ZRANB3: variants seen among roughly 807,000 people sequenced by gnomAD.
ZRANB3 encodes DNA annealing helicase and endonuclease ZRANB3.
ZRANB3 carries 125 observed loss-of-function variants against 133.8 expected under a neutral mutation model. That is an observed-to-expected ratio of 0.93 (90% CI 0.81 to 1.08). The LOEUF (loss-of-function observed/expected upper bound fraction) is 1.08. ZRANB3 is among the 50% of genes least tolerant of loss of function. The pLI is 0.00. For synonymous variants in ZRANB3, 387 were observed against 432.7 expected (o/e 0.89, Z 1.31); for missense variants, 1,229 against 1,275.5 (o/e 0.96, Z 0.56).
At chr2:135,512,801 T>C (rs971698896) in intron 1 of ZRANB3, among the ~76,000 whole-genome samples, 1 of 151,964 alleles carries the variant, frequency 6.6e-6, no homozygotes, top group Non-Finnish European at 1.5e-5. Flanking sequence ...TCTTAATAAA[T>C]ATACAAGGCA....
At chr2:135,410,705 G>C (rs767491336) in intron 2 of ZRANB3, among the ~76,000 whole-genome samples, 2 of 152,058 alleles carry the variant, frequency 1.3e-5, no homozygotes, top group Non-Finnish European at 2.9e-5. Flanking sequence ...GAAAATATTT[G>C]CAAACTATGC....
intron 2 of ZRANB3, among the ~76,000 whole-genome samples, chr2:135,398,350 G>C (rs1687592172): frequency 6.6e-6 from 1 of 151,754 alleles, no homozygotes; most frequent in Admixed American, 6.6e-5. Context: ...ACAGGTGTGA[G>C]TCACTGCACC....
In ZRANB3 at chr2:135,269,015, G is replaced by C. The variant is rs768329407; in HGVS notation, c.1333C>G (p.Leu445Val). Residue 445 changes from leucine (L) to valine (V), a missense_variant, in exon 11 of 21, where the codon CTT (leucine) becomes GTT (valine). By Grantham distance (32) the Leu-to-Val change is conservative (BLOSUM62 1). Transcript: ENST00000264159. Reference protein sequence around the residue: ...GQCSSVNIHYLIANGTLDTLM... With the variant: ...GQCSSVNIHYVIANGTLDTLM... Reference sequence around the variant, plus strand: ...GTGTCTAGGGTTCCATTTGCAATAAGGTAGTGAATATTCACAGAACTGCAC... The same window carrying C: ...GTGTCTAGGGTTCCATTTGCAATAACGTAGTGAATATTCACAGAACTGCAC... 8 of 1,611,928 alleles carry C rather than the reference G, an allele frequency of 5.0e-6. No homozygotes were observed. Among genetic ancestry groups the C allele is most frequent in the Non-Finnish European group, 6.8e-6 (8 of 1,179,346 alleles).
At chr2:135,522,825 T>G (rs991618376) in intron 1 of ZRANB3, among the ~76,000 whole-genome samples, 1 of 152,136 alleles carries the variant, frequency 6.6e-6, no homozygotes, top group Non-Finnish European at 1.5e-5. Context: ...GTCAAAGAGG[T>G]GCCATGCTAA....
At chr2:135,382,015 G>A (rs1291168470) in intron 3 of ZRANB3, among the ~76,000 whole-genome samples, 1 of 152,210 alleles carries the variant, frequency 6.6e-6, no homozygotes, top group African/African-American at 2.4e-5. Flanking sequence ...CGAGTTGAGA[G>A]AAGAAGGCTT....
chr2:135,202,914 T>C lies in ZRANB3; in HGVS notation c.3059A>G (p.Asp1020Gly), dbSNP rs1187860007. 2 of 1,612,736 alleles carry C rather than the reference T, an allele frequency of 1.2e-6. No homozygotes were observed. Among genetic ancestry groups the C allele is most frequent in the South Asian group, 2.2e-5 (2 of 90,616 alleles). ...NPGEGHFWQV[D>G]HIKPVYGGGG... ...TCCCCCATACACTGGCTTGATGTGA[T>C]CCACCTGCCAGAAATGTCCTTCCCC... The change falls in exon 20 of 21, where the codon GAT becomes GGT. Residue 1020 changes from aspartate to glycine, a missense_variant. Transcript: ENST00000264159.
At chr2:135,428,835 T>C (rs1205067049) in intron 2 of ZRANB3, among the ~76,000 whole-genome samples, 1 of 152,184 alleles carries the variant, frequency 6.6e-6, no homozygotes, top group African/African-American at 2.4e-5. Flanking sequence ...CAAGATGACA[T>C]ACTGTCTCAC....
intron 2 of ZRANB3, among the ~76,000 whole-genome samples, chr2:135,488,750 T>C (rs1692238027): frequency 6.6e-6 from 1 of 150,534 alleles, no homozygotes; most frequent in Non-Finnish European, 1.5e-5. Flanking sequence ...CAAAGCACAA[T>C]TTGTAAAAAC....
intron 15 of ZRANB3, among the ~76,000 whole-genome samples, chr2:135,222,663 A>G (rs991037490): frequency 6.6e-6 from 1 of 152,104 alleles, no homozygotes; most frequent in Non-Finnish European, 1.5e-5. Flanking sequence ...TTCCATTAAG[A>G]CTTTAGAGAA....
At chr2:135,480,965 T>C (rs1691769031) in intron 2 of ZRANB3, among the ~76,000 whole-genome samples, 1 of 150,114 alleles carries the variant, frequency 6.7e-6, no homozygotes, top group Non-Finnish European at 1.5e-5. Flanking sequence ...TATGGCTGCA[T>C]AGTATTCCAT....
chr2:135,504,279 T>C (rs1418034891), intron 2 of ZRANB3, 50 bp downstream of exon 2: 4 of 1,605,930 alleles, frequency 2.5e-6, no homozygotes, highest in African/African-American at 2.7e-5. Context: ...TTGTTTTTAA[T>C]ACACTTTCCA....
intron 1 of ZRANB3, among the ~76,000 whole-genome samples, chr2:135,528,311 C>G (rs1409165130): frequency 6.6e-6 from 1 of 151,994 alleles, no homozygotes; most frequent in African/African-American, 2.4e-5. Flanking sequence ...CTACGCCCAG[C>G]TAATTTTTTT....
chr2:135,473,059 G>C (rs971830542), intron 2 of ZRANB3, among the ~76,000 whole-genome samples: 11 of 152,130 alleles, frequency 7.2e-5, no homozygotes, highest in Admixed American at 2.6e-4. Context: ...ATGGCATTAA[G>C]TACATTCACT....
chr2:135,209,192 C>A (rs1348632258), intron 17 of ZRANB3, among the ~76,000 whole-genome samples: 4 of 152,126 alleles, frequency 2.6e-5, no homozygotes, highest in Non-Finnish European at 5.9e-5. Context: ...TTAGTTTTCT[C>A]AAATTTCTTT....
chr2:135,256,646 C>A (rs1305726443), intron 12 of ZRANB3, among the ~76,000 whole-genome samples: 1 of 152,156 alleles, frequency 6.6e-6, no homozygotes, highest in African/African-American at 2.4e-5. Context: ...CTTTTTAAGG[C>A]CAAATAATAT....
At chr2:135,293,805 AG>A (rs1178209305) in intron 8 of ZRANB3, among the ~76,000 whole-genome samples, 2 of 150,544 alleles carry the variant, frequency 1.3e-5, no homozygotes, top group South Asian at 2.1e-4. Context: ...TTTAGCATGA[AG>A]GGTTGTTGAA....
chr2:135,284,217 C>A (rs1006404866), intron 8 of ZRANB3, among the ~76,000 whole-genome samples: 1 of 152,182 alleles, frequency 6.6e-6, no homozygotes, highest in Non-Finnish European at 1.5e-5. Context: ...AGTACCTACA[C>A]CGCATAGGGT....
chr2:135,406,219 T>A (rs1217166844), intron 2 of ZRANB3, among the ~76,000 whole-genome samples: 2 of 152,226 alleles, frequency 1.3e-5, no homozygotes, highest in African/African-American at 4.8e-5. Context: ...CTAGAAAATC[T>A]AGAAGAAATG....
In ZRANB3 at chr2:135,495,450, G is replaced by A. The variant is rs575279597; in HGVS notation, c.161+8879C>T. Reference sequence around the variant, plus strand: ...GCAGCCAGTTTCGCAGATTAAAGGAGCATAATGTATGCAACCTACTCTCAA... The same window carrying A: ...GCAGCCAGTTTCGCAGATTAAAGGAACATAATGTATGCAACCTACTCTCAA... On this transcript the variant is annotated intron_variant, in intron 2 of 20. Coordinates refer to ENST00000264159, the MANE Select transcript of ZRANB3 (RefSeq NM_032143.4). Among the ~76,000 whole-genome samples the A allele has an allele frequency of 7.9e-5, 12 of 152,224 alleles. No individual in the cohort carries two copies. In the East Asian group the frequency reaches 2.3e-3, roughly 29 times the overall value.
Sources: allele counts gnomAD v4.1 joint callset (sites outside exome capture counted in the v4.1 genomes callset), GRCh38; gene constraint gnomAD v4.1.1; transcripts MANE v1.5; gene names NCBI Gene and HGNC (gene_info 2026-07-23, HGNC 2026-07-21).